PCDHGA7: variants seen among roughly 807,000 people sequenced by gnomAD.
PCDHGA7 encodes the protein protocadherin gamma subfamily A, 7, also known as protocadherin gamma-A7.
Under a neutral mutation model 58.3 loss-of-function variants are expected in PCDHGA7, and 44 were observed. That is an observed-to-expected ratio of 0.75 (90% confidence interval 0.59 to 0.97). The LOEUF (loss-of-function observed/expected upper bound fraction) is 0.97. Ranked by LOEUF, PCDHGA7 falls within the 50% of genes least tolerant of loss-of-function variation. The pLI, the probability that PCDHGA7 is intolerant of heterozygous loss-of-function variation, is 0.00. For synonymous variants in PCDHGA7, 516 were observed against 504.2 expected (o/e 1.02, Z -0.31); for missense variants, 1,266 against 1,188.7 (o/e 1.06, Z -0.96).
chr5:141,477,642 A>G lies in PCDHGA7; in HGVS notation c.2425-17165A>G, dbSNP rs767152121. On this transcript the variant is annotated intron_variant, in intron 1 of 3. Transcript: ENST00000518325. The surrounding 1 kb of genome is among the most constrained non-coding windows in gnomAD (Gnocchi z 4.9). ...GCTGAAACCGGGCTAGTGGGTCGCT[A>G]TTTCACAATAAATCGTGACAATGGC... 9 of 1,614,136 alleles carry G rather than the reference A, an allele frequency of 5.6e-6. No individual in the cohort carries two copies. Among genetic ancestry groups the G allele is most frequent in the Non-Finnish European group, 7.6e-6 (9 of 1,180,022 alleles).
intron 1 of PCDHGA7, among the ~76,000 whole-genome samples, chr5:141,448,434 GA>G (rs1297090877): frequency 1.3e-5 from 2 of 152,050 alleles, no homozygotes; most frequent in South Asian, 4.2e-4. Flanking sequence ...TATATATTGA[GA>G]AGTCTGACTT....
intron 1 of PCDHGA7, chr5:141,417,801 G>A (rs368563336): frequency 1.3e-6 from 2 of 1,490,494 alleles, no homozygotes; most frequent in South Asian, 1.4e-5. Context: ...CTTTTAGCGC[G>A]GTAGAGTGCA....
chr5:141,383,403 G>A lies in PCDHGA7; in HGVS notation c.504G>A (p.Gln168=). 1 of 1,614,000 alleles carries A rather than the reference G, an allele frequency of 6.2e-7. No homozygotes were observed. Among genetic ancestry groups the A allele is most frequent in the Non-Finnish European group, 8.5e-7 (1 of 1,179,906 alleles). Residue 168 remains glutamine, a synonymous_variant, in exon 1 of 4, where the codon CAG becomes CAA. Coordinates refer to ENST00000518325, the MANE Select transcript of PCDHGA7 (RefSeq NM_018920.4). ...CAGATGTGGGCACGAACTCCCTCCA[G>A]AGTTACCAGCTCAGCCCCAATCGCC... ...GDPDVGTNSL[Q]SYQLSPNRHF...
chr5:141,389,276 G>T (rs375882135), intron 1 of PCDHGA7: 4 of 1,613,858 alleles, frequency 2.5e-6, no homozygotes, highest in South Asian at 2.2e-5. Flanking sequence ...AGAACAACCC[G>T]CCTGGAGCCT....
At chr5:141,404,488 T>A in intron 1 of PCDHGA7, 1 of 1,613,536 alleles carries the variant, frequency 6.2e-7, no homozygotes, top group Non-Finnish European at 8.5e-7. Context: ...CAGACACTGG[T>A]GTGCTGTATG....
rs2099612668 is a variant in PCDHGA7, at chr5:141,485,382, TGA to T, written c.2425-9424_2425-9423del. The T allele has an allele frequency of 6.2e-7, 1 of 1,613,538 alleles. No homozygotes were observed. The highest frequency in any genetic ancestry group is 8.5e-7 in the Non-Finnish European group (1 of 1,179,906). On this transcript the variant is annotated intron_variant, in intron 1 of 3. Coordinates refer to ENST00000518325, the MANE Select transcript of PCDHGA7 (RefSeq NM_018920.4). The surrounding 1 kb of genome is among the most constrained non-coding windows in gnomAD (Gnocchi z 5.7). ...CGCAGGCTGCAGGTCGCTGGAGAGG[TGA>T]ACCAAAGACACTTCCGTGTGGATTT...
In PCDHGA7 at chr5:141,486,866, G is replaced by A; in HGVS notation, c.2425-7941G>A. Reference sequence around the variant, plus strand: ...GGACCTCAATGACAATGCTCCAGCTGTGCTCCGTCCTCGGGCCCGGCCTGG... The same window carrying A: ...GGACCTCAATGACAATGCTCCAGCTATGCTCCGTCCTCGGGCCCGGCCTGG... On this transcript the variant is annotated intron_variant, in intron 1 of 3. Transcript: ENST00000518325. The surrounding 1 kb of genome is among the most constrained non-coding windows in gnomAD (Gnocchi z 5.0). 6.2e-7 allele frequency: 1 copy of A among 1,614,202 alleles called. No homozygotes were observed. The highest frequency in any genetic ancestry group is 8.5e-7 in the Non-Finnish European group (1 of 1,180,038).
chr5:141,424,061 CTGATT>C, intron 1 of PCDHGA7: 1 of 1,003,194 alleles, frequency 1.0e-6, no homozygotes, highest in Non-Finnish European at 1.2e-6. Flanking sequence ...TGTGCCTTCA[CTGATT>C]TGTAGTTATA....
chr5:141,474,900 T>C (rs577411783), intron 1 of PCDHGA7, among the ~76,000 whole-genome samples: 2 of 152,368 alleles, frequency 1.3e-5, no homozygotes, highest in South Asian at 2.1e-4. Flanking sequence ...TCATTTCTTG[T>C]TCAAGGATAT....
At chr5:141,421,770 G>T in intron 1 of PCDHGA7, 6 of 1,613,856 alleles carry the variant, frequency 3.7e-6, no homozygotes, top group East Asian at 2.2e-5. Context: ...ACTTTTCCTT[G>T]CAACTGCGGG....
chr5:141,384,357 G>A lies in PCDHGA7; in HGVS notation c.1458G>A (p.Gln486=), dbSNP rs1226263341. The part of the protein sequence containing the change: ...AQDHDSEDNA[Q]ITYSLAEDTI... ...ACCACGACAGTGAGGATAATGCCCA[G>A]ATCACTTATTCCTTGGCCGAAGACA... Residue 486 remains glutamine, a synonymous_variant, in exon 1 of 4, where the codon CAG becomes CAA. Coordinates refer to ENST00000518325, the MANE Select transcript of PCDHGA7 (RefSeq NM_018920.4). 1.2e-6 allele frequency: 2 copies of A among 1,613,734 alleles called. No individual in the cohort carries two copies. The highest frequency in any genetic ancestry group is 2.7e-5 in the African/African-American group (2 of 74,924).
Position 141,485,342 on chromosome 5 carries a change from G to C in PCDHGA7, c.2425-9465G>C. 1.2e-6 allele frequency: 2 copies of C among 1,614,164 alleles called. No individual in the cohort carries two copies. Among genetic ancestry groups the C allele is most frequent in the Non-Finnish European group, 1.7e-6 (2 of 1,180,026 alleles). On this transcript the variant is annotated intron_variant, in intron 1 of 3. Coordinates refer to ENST00000518325, the MANE Select transcript of PCDHGA7 (RefSeq NM_018920.4). The surrounding 1 kb of genome is among the most constrained non-coding windows in gnomAD (Gnocchi z 5.7). The stretch of plus-strand genomic sequence containing the variant: ...CGCTCAAGATTTCCTGCTGGATACG[G>C]ACAGTCTGTCAGCTCGCAGGCTGCA...
intron 1 of PCDHGA7, chr5:141,415,551 C>A (rs745641887): frequency 5.6e-6 from 9 of 1,614,014 alleles, no homozygotes; most frequent in Non-Finnish European, 7.6e-6. Context: ...GTGAGAAAAA[C>A]GATCCTTTGT....
chr5:141,417,995 G>A (rs779307855), intron 1 of PCDHGA7: 74 of 1,613,786 alleles, frequency 4.6e-5, no homozygotes, highest in Admixed American at 1.7e-4. Flanking sequence ...CAAGGGCTCG[G>A]TGGTGGGGAA....
intron 2 of PCDHGA7, among the ~76,000 whole-genome samples, chr5:141,501,212 A>G (rs936235563): frequency 1.9e-4 from 29 of 150,770 alleles, no homozygotes; most frequent in Admixed American, 1.8e-3. Flanking sequence ...TGTCAGGGTG[A>G]CTTCCTAGAT....
chr5:141,394,789 C>G (rs747304715), intron 1 of PCDHGA7: 1 of 1,613,728 alleles, frequency 6.2e-7, no homozygotes, highest in Non-Finnish European at 8.5e-7. Context: ...GCCACTGTCA[C>G]GCTCACCGTA....
At chr5:141,440,484 A>G (rs190024112) in intron 1 of PCDHGA7, 36 of 152,300 alleles carry the variant, frequency 2.4e-4, no homozygotes, top group Non-Finnish European at 4.7e-4. Context: ...AATTCTTTAA[A>G]TGTTTTTCAC....
chr5:141,435,882 C>G (rs780080571), intron 1 of PCDHGA7, among the ~76,000 whole-genome samples: 1 of 152,060 alleles, frequency 6.6e-6, no homozygotes, highest in African/African-American at 2.4e-5. Context: ...AGATTGGAAA[C>G]CCCTTAGAGA....
chr5:141,483,472 T>C (rs1457039859), intron 1 of PCDHGA7, among the ~76,000 whole-genome samples: 2 of 152,076 alleles, frequency 1.3e-5, no homozygotes, highest in Non-Finnish European at 2.9e-5. Flanking sequence ...TGACATGATA[T>C]AGGAAGTGAG....
Sources: allele counts gnomAD v4.1 joint callset (sites outside exome capture counted in the v4.1 genomes callset), GRCh38; gene constraint gnomAD v4.1.1; non-coding constraint Gnocchi (gnomAD v3.1); transcripts MANE v1.5; gene names NCBI Gene and HGNC (gene_info 2026-07-23, HGNC 2026-07-21).